Variants in TEX15 observed in about 807,000 individuals in gnomAD.
The protein encoded by TEX15 is testis expressed 15, meiosis and synapsis associated.
A neutral mutation model predicts 237.3 loss-of-function variants in TEX15; 171 were observed. The ratio of observed to expected loss-of-function variants is 0.72; its 90% CI spans 0.64 to 0.82. The LOEUF is 0.82. Among genes scored for constraint, TEX15 ranks in the 40% least tolerant of loss-of-function variants. The pLI, the probability that TEX15 is intolerant of heterozygous loss-of-function variation, is 0.00. For missense variants in TEX15, 3,750 were observed against 3,646.5 expected (o/e 1.03, Z -0.73); for synonymous variants, 1,338 against 1,269.8 (o/e 1.05, Z -1.14).
intron 1 of TEX15, among the ~76,000 whole-genome samples, chr8:30,911,622 C>T (rs1054700386): frequency 6.6e-6 from 1 of 152,322 alleles, no homozygotes; most frequent in East Asian, 1.9e-4. Context: ...CGTTGGGGTG[C>T]TTCACACTGC....
At chr8:30,909,152 C>A (rs1185438640) in intron 1 of TEX15, among the ~76,000 whole-genome samples, 34 of 152,022 alleles carry the variant, frequency 2.2e-4, no homozygotes, top group African/African-American at 6.8e-4. Context: ...ATACTCAAAT[C>A]AGTTATTTTA....
Position 30,848,479 on chromosome 8 carries a change from C to A in TEX15, c.1688G>T (p.Arg563Ile), listed in dbSNP as rs771366861. Residue 563 changes from arginine to isoleucine, a missense_variant, in exon 8 of 11, where the codon AGA (arginine) becomes ATA (isoleucine). Arg to Ile is a moderately conservative substitution (Grantham distance 97, BLOSUM62 -3). Coordinates refer to ENST00000643185, the MANE Select transcript of TEX15 (RefSeq NM_001350162.2). The stretch of plus-strand genomic sequence containing the variant: ...AGCATTACCGGACTCCTGTTGGGCT[C>A]TCTGAGCCTTCTCCTCACTGTGGTT... ...NQNHSEEKAQ[R>I]AQQESGNAYT... The A allele has an allele frequency of 2.5e-6, 4 of 1,614,150 alleles. No homozygotes were observed. Among genetic ancestry groups the A allele is most frequent in the Non-Finnish European group, 3.4e-6 (4 of 1,180,010 alleles).
In TEX15 at chr8:30,842,220, T is replaced by TA. The variant is rs769207642; in HGVS notation, c.7946dup (p.Leu2649PhefsTer20). 4.3e-6 allele frequency: 7 copies of TA among 1,612,422 alleles called. No individual in the cohort carries two copies. The highest frequency in any genetic ancestry group is 1.3e-5 in the African/African-American group (1 of 74,826). On this transcript the variant is annotated frameshift_variant, in exon 8 of 11. Coordinates refer to ENST00000643185, the MANE Select transcript of TEX15 (RefSeq NM_001350162.2). LOFTEE classifies it high-confidence loss of function. ...TCATTTTTTCTTTTCTCTTCAGCTG[T>TA]AAAATCTTCCTTCTGTTATACAGCA...
intron 1 of TEX15, among the ~76,000 whole-genome samples, chr8:30,907,446 T>TGTATATATAAATTATATACAAAAC (rs1563281267): frequency 1.4e-5 from 2 of 148,090 alleles, no homozygotes; most frequent in African/African-American, 4.9e-5. Context: ...ATATATACAA[T>TGTATATATAAATTATATACAAAAC]GTATATATAA....
At chr8:30,881,857 A>G (rs1808534328) in intron 3 of TEX15, among the ~76,000 whole-genome samples, 1 of 151,932 alleles carries the variant, frequency 6.6e-6, no homozygotes, top group South Asian at 2.1e-4. Context: ...TCCTGAACTC[A>G]GGCAATCCAC....
chr8:30,851,413 T>C (rs2128768913), intron 7 of TEX15, among the ~76,000 whole-genome samples: 1 of 152,274 alleles, frequency 6.6e-6, no homozygotes, highest in Non-Finnish European at 1.5e-5. Flanking sequence ...GCAGATCACT[T>C]GAGGTCAGGA....
At chr8:30,840,561 C>T (rs976914037) in intron 8 of TEX15, among the ~76,000 whole-genome samples, 1 of 152,150 alleles carries the variant, frequency 6.6e-6, no homozygotes, top group African/African-American at 2.4e-5. Flanking sequence ...TTCTTGTAAA[C>T]CAGTTGCTAA....
intron 3 of TEX15, among the ~76,000 whole-genome samples, chr8:30,878,897 C>G (rs1453096203): frequency 6.6e-6 from 1 of 152,156 alleles, no homozygotes; most frequent in Non-Finnish European, 1.5e-5. Context: ...TCCCTAATGG[C>G]AATACACAAG....
At position 30,848,233 on chromosome 8, in the gene TEX15, T is replaced by G. The variant is rs775132032; in HGVS notation, c.1934A>C (p.Asn645Thr). ...EKQTSWKEID[N>T]DFTNETKISP... ...GATTTTTGTTTCATTAGTGAAATCA[T>G]TATCAATTTCTTTCCATGAAGTTTG... is the stretch of plus-strand genomic sequence containing the variant. Residue 645 changes from asparagine to threonine, a missense_variant, in exon 8 of 11, where the codon AAT (asparagine) becomes ACT (threonine). Coordinates refer to ENST00000643185, the MANE Select transcript of TEX15 (RefSeq NM_001350162.2). The G allele has an allele frequency of 6.2e-7, 1 of 1,612,566 alleles. No homozygotes were observed. The highest frequency in any genetic ancestry group is 8.5e-7 in the Non-Finnish European group (1 of 1,179,738).
intron 1 of TEX15, among the ~76,000 whole-genome samples, chr8:30,911,939 C>T (rs965853688): frequency 6.6e-6 from 1 of 152,190 alleles, no homozygotes; most frequent in African/African-American, 2.4e-5. Flanking sequence ...CGAGGGGTTT[C>T]ACTCCCTTCA....
At chr8:30,871,509 T>G (rs115083133) in intron 4 of TEX15, among the ~76,000 whole-genome samples, 2,061 of 152,220 alleles carry the variant, frequency 0.014, 50 homozygotes, top group African/African-American at 0.048. Context: ...TCTTATGCTA[T>G]GGTTGTTTAA....
rs776999060 is a variant in TEX15 at position 30,847,670 on chromosome 8, T to C, written c.2497A>G (p.Arg833Gly). Residue 833 changes from arginine to glycine, a missense_variant, in exon 8 of 11, where the codon AGG becomes GGG. Coordinates refer to ENST00000643185, the MANE Select transcript of TEX15 (RefSeq NM_001350162.2). ...CAGAACAGATTGTGATCCTGACCCC[T>C]ATCTTCAACATAAGCAGTTTCTTTA... is the stretch of plus-strand genomic sequence containing the variant. ...DYKETAYVED[R>G]GQDHNLFCNS... is the part of the protein sequence containing the mutation. 1 of 1,613,896 alleles carries C rather than the reference T, an allele frequency of 6.2e-7. No individual in the cohort carries two copies. Among genetic ancestry groups the C allele is most frequent in the Non-Finnish European group, 8.5e-7 (1 of 1,179,898 alleles).
intron 5 of TEX15, among the ~76,000 whole-genome samples, chr8:30,861,589 TGTTA>T (rs1373372744): frequency 2.1e-4 from 32 of 152,292 alleles, no homozygotes; most frequent in African/African-American, 7.2e-4. Flanking sequence ...GGTGTGACAA[TGTTA>T]GTTTCTTAGT....
At chr8:30,866,780 T>C (rs1222659401) in intron 5 of TEX15, among the ~76,000 whole-genome samples, 2 of 151,822 alleles carry the variant, frequency 1.3e-5, no homozygotes, top group Non-Finnish European at 2.9e-5. Context: ...CCATATACCC[T>C]GTGCCCAGCT....
intron 1 of TEX15, among the ~76,000 whole-genome samples, chr8:30,901,434 A>G (rs73570276): frequency 0.013 from 1,932 of 152,316 alleles, 42 homozygotes; most frequent in African/African-American, 0.045. Context: ...TCTGTTTTCA[A>G]TCTCTGTTTA....
Position 30,843,978 on chromosome 8 carries a change from G to C in TEX15, c.6189C>G (p.His2063Gln), listed in dbSNP as rs777457489. The change falls in exon 8 of 11, where the codon CAC becomes CAG. Residue 2063 changes from histidine to glutamine, a missense_variant. Physicochemically the swap from His to Gln is conservative, Grantham distance 24. Transcript: ENST00000643185. The part of the protein sequence containing the change: ...VDQNLWNNCK[H>Q]TLKPCAVDTL... ...TGTCAACAGCACATGGTTTTAATGT[G>C]TGTTTGCAATTATTCCACAGGTTTT... 3 of 1,612,942 alleles carry C rather than the reference G, an allele frequency of 1.9e-6. No individual in the cohort carries two copies. Among genetic ancestry groups the C allele is most frequent in the Non-Finnish European group, 2.5e-6 (3 of 1,179,580 alleles).
intron 7 of TEX15, among the ~76,000 whole-genome samples, chr8:30,852,259 C>T (rs972397635): frequency 2.0e-5 from 3 of 151,860 alleles, no homozygotes; most frequent in Middle Eastern, 3.4e-3. Flanking sequence ...GCGTCCGCCA[C>T]CACGCCTGGC....
At chr8:30,911,248 T>C (rs748029310) in intron 1 of TEX15, among the ~76,000 whole-genome samples, 3 of 152,164 alleles carry the variant, frequency 2.0e-5, no homozygotes, top group Admixed American at 1.3e-4. Context: ...GCCTCCCGAA[T>C]AGTTGAGATT....
rs147686483 is a variant in TEX15 at position 30,842,362 on chromosome 8, G to A, written c.7805C>T (p.Pro2602Leu). The change falls in exon 8 of 11, where the codon CCT becomes CTT. Residue 2602 changes from proline to leucine, a missense_variant. Physicochemically the swap from Pro to Leu is moderately conservative, Grantham distance 98. Transcript: ENST00000643185. The part of the protein sequence containing the change: ...STLLKNVMSA[P>L]RKDLGKMAHI... ...GGCCATTTTTCCTAAATCTTTCCTA[G>A]GGGCAGACATTACATTCTTCAGCAG... 2 of 1,613,622 alleles carry A rather than the reference G, an allele frequency of 1.2e-6. No individual in the cohort carries two copies. Among genetic ancestry groups the A allele is most frequent in the African/African-American group, 2.7e-5 (2 of 74,888 alleles).
Sources: gnomAD v4.1 joint callset for allele counts (sites outside exome capture counted in the v4.1 genomes callset) on GRCh38, gnomAD v4.1.1 for gene constraint, MANE v1.5 for transcripts, NCBI Gene and HGNC (gene_info 2026-07-23, HGNC 2026-07-21) for gene names.